Variants in HNRNPF observed in about 807,000 individuals in gnomAD.
HNRNPF encodes HnRNP F protein.
HNRNPF carries 2 observed loss-of-function variants against 26.0 expected under a neutral mutation model. That is an observed-to-expected ratio of 0.08 (90% CI 0.03 to 0.24). The LOEUF is 0.24. Among genes scored for constraint, HNRNPF ranks in the 10% least tolerant of loss-of-function variants. HNRNPF has a pLI of 1.00. For missense variants in HNRNPF, 299 were observed against 539.2 expected (o/e 0.55, Z 4.41); for synonymous variants, 234 against 211.5 (o/e 1.11, Z -0.92).
At chr10:43,388,039 A>G in intron 3 of HNRNPF, 103 bp from the exon 4 acceptor site, 1 of 619,340 alleles carries the variant, frequency 1.6e-6, no homozygotes. Context: ...ACCAAATACA[A>G]TTGAGAGCTA....
chr10:43,394,272 A>G (rs1660236977), intron 3 of HNRNPF, among the ~76,000 whole-genome samples: 1 of 152,242 alleles, frequency 6.6e-6, no homozygotes, highest in African/African-American at 2.4e-5. Context: ...TCATAGAAGA[A>G]TTACTTAAAA....
chr10:43,407,479 G>C (rs897256553), intron 1 of HNRNPF, among the ~76,000 whole-genome samples: 1 of 152,098 alleles, frequency 6.6e-6, no homozygotes, highest in Non-Finnish European at 1.5e-5. Flanking sequence ...GCCCGGGGCG[G>C]CCTTGGGGGG....
At chr10:43,402,720 T>C (rs751594540) in intron 1 of HNRNPF, among the ~76,000 whole-genome samples, 6 of 152,252 alleles carry the variant, frequency 3.9e-5, no homozygotes, top group Non-Finnish European at 7.3e-5. Context: ...ATCATAATTC[T>C]ATTAGATGGC....
intron 1 of HNRNPF, among the ~76,000 whole-genome samples, chr10:43,404,515 G>A (rs1465559865): frequency 6.6e-6 from 1 of 152,122 alleles, no homozygotes; most frequent in Non-Finnish European, 1.5e-5. Context: ...TCCGGTTGGA[G>A]CACAGCACCT....
chr10:43,385,844 C>T lies in HNRNPF; in HGVS notation c.*793G>A, dbSNP rs747470016. 7.9e-5 allele frequency: 12 copies of T among 152,494 alleles called. No individual in the cohort carries two copies. The highest frequency in any genetic ancestry group is 1.6e-4 in the Non-Finnish European group (11 of 68,040). The allele number at this position is 152,494 out of a possible 1,614,324, so 9.4% of individuals were successfully genotyped here. On this transcript the variant is annotated 3_prime_UTR_variant, in exon 4 of 4. Transcript: ENST00000682386. ...GTGTGCTGCTAGTCACCATTTCCAC[C>T]ATTCACATATTTAACATTTTTATTA...
chr10:43,405,420 G>A (rs750853375), intron 1 of HNRNPF, among the ~76,000 whole-genome samples: 3 of 152,188 alleles, frequency 2.0e-5, no homozygotes, highest in South Asian at 4.1e-4. Flanking sequence ...ACTTTGGGAG[G>A]CCGAGGCCGG....
At chr10:43,394,168 G>A (rs1838366666) in intron 3 of HNRNPF, among the ~76,000 whole-genome samples, 1 of 152,206 alleles carries the variant, frequency 6.6e-6, no homozygotes, top group African/African-American at 2.4e-5. Flanking sequence ...ATTAACTGTT[G>A]CCCATGTGTA....
At chr10:43,402,698 T>C (rs1838790312) in intron 1 of HNRNPF, among the ~76,000 whole-genome samples, 1 of 152,210 alleles carries the variant, frequency 6.6e-6, no homozygotes, top group Non-Finnish European at 1.5e-5. Flanking sequence ...AAGATATGTA[T>C]TTGTCATAAA....
intron 1 of HNRNPF, among the ~76,000 whole-genome samples, chr10:43,404,434 A>G (rs1261295365): frequency 6.6e-6 from 1 of 152,232 alleles, no homozygotes; most frequent in Non-Finnish European, 1.5e-5. Flanking sequence ...TAAGAAAATA[A>G]TGGATCTACA....
intron 3 of HNRNPF, among the ~76,000 whole-genome samples, chr10:43,394,038 T>G (rs928170628): frequency 1.3e-4 from 20 of 152,198 alleles, no homozygotes; most frequent in African/African-American, 4.6e-4. Flanking sequence ...TCTTGTGTTG[T>G]TAAAGGGGTC....
intron 1 of HNRNPF, among the ~76,000 whole-genome samples, chr10:43,408,568 T>C (rs1298174563): frequency 6.6e-6 from 1 of 151,758 alleles, no homozygotes; most frequent in African/African-American, 2.4e-5. Flanking sequence ...CCCACCCCAA[T>C]AGGCCCAGTC....
At chr10:43,388,030 C>A in intron 3 of HNRNPF, 94 bp from the exon 4 acceptor site, 1 of 647,396 alleles carries the variant, frequency 1.5e-6, no homozygotes, top group East Asian at 2.8e-5. Flanking sequence ...AAGAAATATA[C>A]CAAATACAAT....
At chr10:43,402,602 CA>C (rs1838788172) in intron 1 of HNRNPF, among the ~76,000 whole-genome samples, 1 of 152,176 alleles carries the variant, frequency 6.6e-6, no homozygotes, top group South Asian at 2.1e-4. Context: ...CCAAACCAGA[CA>C]AAAACATCAC....
chr10:43,386,371 C>CTACT lies in HNRNPF; in HGVS notation c.*262_*265dup. ...AAGATCCACATTTAACATACTTAAA[C>CTACT]TACTTAAACTTAGATAACATCACTC... On this transcript the variant is annotated 3_prime_UTR_variant, in exon 4 of 4. Transcript: ENST00000682386. 2.8e-6 allele frequency: 1 copy of CTACT among 361,366 alleles called. No individual in the cohort carries two copies. The highest frequency in any genetic ancestry group is 2.1e-5 in the African/African-American group (1 of 47,458). 22.4% of individuals were successfully genotyped at this position (361,366 alleles called of 1,614,324 possible).
At chr10:43,401,911 C>T (rs1838765374) in intron 1 of HNRNPF, among the ~76,000 whole-genome samples, 1 of 152,032 alleles carries the variant, frequency 6.6e-6, no homozygotes, top group Admixed American at 6.6e-5. Context: ...GCTGTGCTGC[C>T]CAGGGGACCA....
chr10:43,407,558 C>T (rs1020428003), intron 1 of HNRNPF, among the ~76,000 whole-genome samples: 20 of 152,176 alleles, frequency 1.3e-4, no homozygotes, highest in Middle Eastern at 6.8e-3. Flanking sequence ...AGCCGGGCAG[C>T]CGGCGCAGCA....
rs11548183 is a variant in HNRNPF at position 43,387,886 on chromosome 10, G to C, written c.-2C>G. ...ACCTCCCTCAGGGCCCAGCATCATGGACACTTGTCAGGGTGGGTGTCAGGT... is the reference window on the plus strand; with the variant it reads ...ACCTCCCTCAGGGCCCAGCATCATGCACACTTGTCAGGGTGGGTGTCAGGT... On this transcript the variant is annotated 5_prime_UTR_variant, in exon 4 of 4. Transcript: ENST00000682386. This position sits in a 1 kb window ranked among gnomAD's most constrained non-coding sequence, Gnocchi z 6.0. 6.3e-7 allele frequency: 1 copy of C among 1,598,610 alleles called. No homozygotes were observed. Among genetic ancestry groups the C allele is most frequent in the South Asian group, 1.1e-5 (1 of 90,700 alleles).
At chr10:43,388,423 T>A (rs1476856498) in intron 3 of HNRNPF, among the ~76,000 whole-genome samples, 1 of 152,190 alleles carries the variant, frequency 6.6e-6, no homozygotes, top group Admixed American at 6.5e-5. Context: ...GGGTAAGATT[T>A]TCTAGTGTTC....
intron 1 of HNRNPF, among the ~76,000 whole-genome samples, chr10:43,397,497 A>C (rs75386733): frequency 2.0e-5 from 2 of 102,064 alleles, no homozygotes; most frequent in African/African-American, 3.7e-5. Context: ...AGTGCCAGCC[A>C]CGGGGAAGGG....
Sources: gnomAD v4.1 joint callset for allele counts (sites outside exome capture counted in the v4.1 genomes callset) on GRCh38, gnomAD v4.1.1 for gene constraint, Gnocchi (gnomAD v3.1) non-coding constraint, MANE v1.5 for transcripts, NCBI Gene and HGNC (gene_info 2026-07-23, HGNC 2026-07-21) for gene names.